PCNX1: variants seen among roughly 807,000 people sequenced by gnomAD.
PCNX1 encodes pecanex 1, also known as pecanex-like protein 1.
In PCNX1, 78 loss-of-function variants were observed where a neutral mutation model predicts 242.2. The observed-to-expected ratio is 0.32, with a 90% confidence interval of 0.27 to 0.39. PCNX1 has a LOEUF of 0.39. Among genes scored for constraint, PCNX1 ranks in the 10% least tolerant of loss-of-function variants. The pLI, the probability that PCNX1 is intolerant of heterozygous loss-of-function variation, is 1.00. For missense variants in PCNX1, 2,581 were observed against 2,856.5 expected (o/e 0.90, Z 2.20); for synonymous variants, 1,024 against 1,032.9 (o/e 0.99, Z 0.17).
intron 28 of PCNX1, chr14:71,085,445 AAG>A (rs1478465449): frequency 3.3e-5 from 5 of 152,272 alleles, no homozygotes; most frequent in African/African-American, 1.2e-4. Context: ...ATAAAGGACT[AAG>A]AAATATAAAT....
intron 26 of PCNX1, among the ~76,000 whole-genome samples, chr14:71,062,458 T>A (rs547204560): frequency 2.0e-5 from 3 of 151,912 alleles, no homozygotes; most frequent in South Asian, 2.1e-4. Flanking sequence ...TTTTAAAACA[T>A]TTTAAAATGT....
chr14:71,028,508 A>G (rs1280012841), intron 15 of PCNX1, among the ~76,000 whole-genome samples, 192 bp from the exon 16 acceptor site: 1 of 152,034 alleles, frequency 6.6e-6, no homozygotes, highest in Non-Finnish European at 1.5e-5. Context: ...ACAAAGACTC[A>G]GGATAGCAAA....
At chr14:71,096,675 G>C (rs1032604061) in intron 30 of PCNX1, among the ~76,000 whole-genome samples, 11 of 152,090 alleles carry the variant, frequency 7.2e-5, no homozygotes, top group Non-Finnish European at 1.5e-4. Flanking sequence ...AAAATTAGGA[G>C]AGTTGGTGTA....
At chr14:71,080,241 T>G (rs1374976987) in intron 28 of PCNX1, among the ~76,000 whole-genome samples, 1 of 152,230 alleles carries the variant, frequency 6.6e-6, no homozygotes, top group Admixed American at 6.5e-5. Context: ...TATATCTGTT[T>G]TGGTGCCAGT....
chr14:71,048,123 A>G (rs964349924), intron 22 of PCNX1, 139 bp downstream of exon 22: 14 of 523,788 alleles, frequency 2.7e-5, no homozygotes, highest in Non-Finnish European at 3.7e-5. Context: ...ATTTAGGAGC[A>G]CATTAGAATC....
intron 33 of PCNX1, among the ~76,000 whole-genome samples, chr14:71,107,908 GATTAA>G (rs1368141527): frequency 1.3e-5 from 2 of 152,170 alleles, no homozygotes; most frequent in African/African-American, 2.4e-5. Flanking sequence ...ATTGTGAAAT[GATTAA>G]ATTAAGCTAG....
In PCNX1 at chr14:71,102,029, G is replaced by C; in HGVS notation, c.5629G>C (p.Val1877Leu). Residue 1877 changes from valine to leucine, a missense_variant, in exon 31 of 36, where the codon GTG (valine) becomes CTG (leucine). Physicochemically the swap from Val to Leu is conservative, Grantham distance 32 (BLOSUM62 1). Coordinates refer to ENST00000304743, the MANE Select transcript of PCNX1 (RefSeq NM_014982.3). ...TCCAGATGAATATGATGACCCTACT[G>C]TGCTCTATGAAGCCATAGTATCTCA... ...TSPDEYDDPT[V>L]LYEAIVSHEK... The C allele has an allele frequency of 6.2e-7, 1 of 1,612,728 alleles. No individual in the cohort carries two copies. The highest frequency in any genetic ancestry group is 1.3e-5 in the African/African-American group (1 of 74,920).
At position 70,977,742 on chromosome 14, in the gene PCNX1, G is replaced by T; in HGVS notation, c.1405G>T (p.Asp469Tyr). The stretch of plus-strand genomic sequence containing the variant: ...CAACAGTGGGGTTCACGAGGCCAAG[G>T]ACCCCACCCCCTCTGATGAGATGCA... ...STNSGVHEAK[D>Y]PTPSDEMHNQ... The change falls in exon 6 of 36, where the codon GAC becomes TAC. Residue 469 changes from aspartate to tyrosine, a missense_variant. Physicochemically the swap from Asp to Tyr is radical, Grantham distance 160 (BLOSUM62 -3). Coordinates refer to ENST00000304743, the MANE Select transcript of PCNX1 (RefSeq NM_014982.3). 6 of 1,614,022 alleles carry T rather than the reference G, an allele frequency of 3.7e-6. No individual in the cohort carries two copies. The highest frequency in any genetic ancestry group is 5.1e-6 in the Non-Finnish European group (6 of 1,180,012).
intron 1 of PCNX1, among the ~76,000 whole-genome samples, chr14:70,923,062 A>G (rs1331173567): frequency 1.3e-5 from 2 of 151,930 alleles, no homozygotes; most frequent in Non-Finnish European, 2.9e-5. Flanking sequence ...TTCCTTAATC[A>G]TGAATTCTTT....
intron 33 of PCNX1, among the ~76,000 whole-genome samples, 199 bp from the exon 34 acceptor site, chr14:71,108,405 A>G (rs1229942954): frequency 2.6e-5 from 4 of 152,248 alleles, no homozygotes; most frequent in Non-Finnish European, 5.9e-5. Flanking sequence ...AATAAAAAAT[A>G]TATTACAAGA....
At chr14:70,914,527 T>A (rs1041484792) in intron 1 of PCNX1, among the ~76,000 whole-genome samples, 4 of 152,098 alleles carry the variant, frequency 2.6e-5, no homozygotes, top group African/African-American at 7.2e-5. Context: ...AAAGTTTCTA[T>A]TTTTTTTCTA....
At chr14:71,074,871 A>G (rs777457860) in intron 27 of PCNX1, among the ~76,000 whole-genome samples, 13 of 152,118 alleles carry the variant, frequency 8.5e-5, no homozygotes, top group Non-Finnish European at 1.6e-4. Flanking sequence ...GTTTACAGAA[A>G]TACAGTATGG....
chr14:71,041,784 T>C (rs1411239676), intron 19 of PCNX1, among the ~76,000 whole-genome samples: 3 of 89,812 alleles, frequency 3.3e-5, no homozygotes, highest in African/African-American at 6.0e-5. Flanking sequence ...TTATTGCTAC[T>C]ATACTATACT....
At chr14:70,941,618 T>C (rs571889451) in intron 1 of PCNX1, among the ~76,000 whole-genome samples, 5 of 152,174 alleles carry the variant, frequency 3.3e-5, no homozygotes, top group Non-Finnish European at 5.9e-5. Context: ...TTCTCAGATC[T>C]CAAACTCTGT....
chr14:70,937,420 A>G (rs996348003), intron 1 of PCNX1, among the ~76,000 whole-genome samples: 2 of 152,146 alleles, frequency 1.3e-5, no homozygotes, highest in African/African-American at 4.8e-5. Context: ...TTTCTGTCAG[A>G]TTTGTCAAAG....
At chr14:71,010,273 A>G (rs2059787330) in intron 9 of PCNX1, among the ~76,000 whole-genome samples, 1 of 152,092 alleles carries the variant, frequency 6.6e-6, no homozygotes, top group Admixed American at 6.5e-5. Flanking sequence ...TTTTCTCTAT[A>G]TATTGTATAA....
In PCNX1 at chr14:71,108,644, C is replaced by G. The variant is rs1209687394; in HGVS notation, c.6342C>G (p.Val2114=). 6.2e-7 allele frequency: 1 copy of G among 1,614,028 alleles called. No homozygotes were observed. Among genetic ancestry groups the G allele is most frequent in the Non-Finnish European group, 8.5e-7 (1 of 1,179,956 alleles). The change falls in exon 34 of 36, where the codon GTC becomes GTG. Residue 2114 remains valine, a synonymous_variant. Transcript: ENST00000304743. ...CTCACTCTGTGCAGTCGGGCCTGGT[C>G]AGACAGTCTCCTGCCCGGGCCTCAG... ...HSSHSVQSGL[V]RQSPARASVA...
At position 71,110,771 on chromosome 14, in the gene PCNX1, GAAC is replaced by G. The variant is rs2062739636; in HGVS notation, c.*838_*840del. The G allele has an allele frequency of 2.0e-5, 3 of 152,850 alleles. No individual in the cohort carries two copies. The South Asian group carries it at 6.2e-4, about 32-fold the overall frequency. The allele number at this position is 152,850 out of a possible 1,614,324, so 9.5% of individuals were successfully genotyped here. A position where few individuals can be genotyped will look rare whatever the true frequency, so the allele number is the denominator to read the frequency against. On this transcript the variant is annotated 3_prime_UTR_variant, in exon 36 of 36. Transcript: ENST00000304743. ...CCAATAGTCAGCGGATCGGTCTTGT[GAAC>G]ACCACTGCCAGCTCCTGTGTCTACA...
intron 21 of PCNX1, 108 bp downstream of exon 21, chr14:71,047,213 TG>T (rs3217014): frequency 0.35 from 224,052 of 631,254 alleles, 42,025 homozygotes; most frequent in East Asian, 0.61. Context: ...TGCAAGGCAC[TG>T]TGAGATTAAA....
Sources: gnomAD v4.1 joint callset for allele counts (sites outside exome capture counted in the v4.1 genomes callset) on GRCh38, gnomAD v4.1.1 for gene constraint, MANE v1.5 for transcripts, NCBI Gene and HGNC (gene_info 2026-07-23, HGNC 2026-07-21) for gene names.